ANO3: variants seen among roughly 807,000 people sequenced by gnomAD.
ANO3 encodes the protein anoctamin-3.
In ANO3, 99 loss-of-function variants were observed where a neutral mutation model predicts 144.8. The ratio of observed to expected loss-of-function variants is 0.68; its 90% CI spans 0.58 to 0.81. The LOEUF (loss-of-function observed/expected upper bound fraction) is 0.81. ANO3 is among the 30% of genes least tolerant of loss of function. The probability of loss-of-function intolerance (pLI) is 0.00; values close to 1 mark genes in which losing one functional copy is unlikely to be tolerated. For synonymous variants in ANO3, 414 were observed against 392.6 expected (o/e 1.05, Z -0.64); for missense variants, 905 against 1,202.2 (o/e 0.75, Z 3.66).
intron 1 of ANO3, among the ~76,000 whole-genome samples, chr11:26,372,019 G>T (rs114725994): frequency 0.011 from 1,732 of 152,264 alleles, 34 homozygotes; most frequent in African/African-American, 0.039. Flanking sequence ...CATGAGATTT[G>T]GGAGGGACCA....
At chr11:26,378,003 C>T (rs542411393) in intron 1 of ANO3, among the ~76,000 whole-genome samples, 1 of 151,984 alleles carries the variant, frequency 6.6e-6, no homozygotes, top group African/African-American at 2.4e-5. Context: ...GAAACACTAA[C>T]TAGATGACAT....
At chr11:26,198,356 T>C (rs1158885354) in intron 1 of ANO3, among the ~76,000 whole-genome samples, 3 of 152,168 alleles carry the variant, frequency 2.0e-5, no homozygotes, top group South Asian at 2.1e-4. Flanking sequence ...TTACCTCTTG[T>C]AGCACCCATG....
At chr11:26,578,523 T>A (rs1851049317) in intron 14 of ANO3, among the ~76,000 whole-genome samples, 1 of 152,166 alleles carries the variant, frequency 6.6e-6, no homozygotes, top group Admixed American at 6.6e-5. Flanking sequence ...TGAATTTGTT[T>A]CAAAAGTTGG....
chr11:26,216,125 G>A (rs889020070), intron 1 of ANO3, among the ~76,000 whole-genome samples: 6 of 151,948 alleles, frequency 3.9e-5, no homozygotes, highest in South Asian at 2.1e-4. Flanking sequence ...GGTATAATAC[G>A]TTATTCCTTT....
intron 1 of ANO3, among the ~76,000 whole-genome samples, chr11:26,412,728 A>G (rs1181097295): frequency 1.3e-5 from 2 of 151,120 alleles, no homozygotes; most frequent in Non-Finnish European, 1.5e-5. Context: ...AATTACCAGT[A>G]TTAGTTAAGC....
At chr11:26,570,083 C>T (rs1034196745) in intron 14 of ANO3, among the ~76,000 whole-genome samples, 2 of 152,040 alleles carry the variant, frequency 1.3e-5, no homozygotes, top group African/African-American at 4.8e-5. Flanking sequence ...TTTCCAGTTC[C>T]TTTGTGATAC....
intron 6 of ANO3, among the ~76,000 whole-genome samples, chr11:26,524,458 G>A (rs1477759143): frequency 6.6e-6 from 1 of 152,050 alleles, no homozygotes; most frequent in Non-Finnish European, 1.5e-5. Flanking sequence ...AGTTTTCTAA[G>A]CAGCTAATAA....
Position 26,598,354 on chromosome 11 carries a change from A to G in ANO3, c.1448-11A>G, listed in dbSNP as rs535208095. 6.8e-7 allele frequency: 1 copy of G among 1,474,954 alleles called. No individual in the cohort carries two copies. Among genetic ancestry groups the G allele is most frequent in the Non-Finnish European group, 9.1e-7 (1 of 1,099,532 alleles). 91.4% of individuals were successfully genotyped at this position (1,474,954 alleles called of 1,614,324 possible). A position where few individuals can be genotyped will look rare whatever the true frequency, so the allele number is the denominator to read the frequency against. ...ATTTGGGTAAAGAATTATCATTTTT[A>G]TATTTTATAGCCACAGTCTTCCTGG... On this transcript the variant is annotated splice_polypyrimidine_tract_variant and intron_variant, in intron 14 of 26. Transcript: ENST00000256737.
At chr11:26,428,521 G>A (rs542103736) in intron 1 of ANO3, among the ~76,000 whole-genome samples, 27 of 152,288 alleles carry the variant, frequency 1.8e-4, no homozygotes, top group African/African-American at 6.5e-4. Context: ...GAAAGAAAAT[G>A]GGAGCAAGGA....
At chr11:26,320,352 G>A (rs916636686) in intron 1 of ANO3, among the ~76,000 whole-genome samples, 1 of 152,126 alleles carries the variant, frequency 6.6e-6, no homozygotes, top group African/African-American at 2.4e-5. Flanking sequence ...AAACCACAAA[G>A]GGAAGGAGAT....
At chr11:26,281,710 A>G (rs72874968) in intron 1 of ANO3, among the ~76,000 whole-genome samples, 13,359 of 152,256 alleles carry the variant, frequency 0.088, 779 homozygotes, top group Non-Finnish European at 0.13. Flanking sequence ...GTTTATTTAA[A>G]GATTAATATA....
chr11:26,644,146 C>T lies in ANO3; in HGVS notation c.2428+812C>T, dbSNP rs1161799389. Among the ~76,000 whole-genome samples, 3 of 152,042 alleles carry T rather than the reference C, an allele frequency of 2.0e-5. No individual in the cohort carries two copies. The South Asian group carries it at 6.2e-4, about 32-fold the overall frequency. Reference sequence around the variant, plus strand: ...TCTATTGTGAGGACACCCTTCCAACCGTAACAAAACTTAACATTTTTAGTT... The same window carrying T: ...TCTATTGTGAGGACACCCTTCCAACTGTAACAAAACTTAACATTTTTAGTT... On this transcript the variant is annotated intron_variant, in intron 23 of 26. Coordinates refer to ENST00000256737, the MANE Select transcript of ANO3 (RefSeq NM_031418.4).
upstream of ANO3, among the ~76,000 whole-genome samples, chr11:26,306,140 T>G (rs1326205681): frequency 6.7e-6 from 1 of 150,070 alleles, no homozygotes; most frequent in African/African-American, 2.4e-5. Flanking sequence ...TTTTTTTTTT[T>G]TTTTTTTGTA....
At chr11:26,659,099 C>CACACACACAT (rs76897197) in intron 26 of ANO3, among the ~76,000 whole-genome samples, 2,644 of 150,078 alleles carry the variant, frequency 0.018, 41 homozygotes, top group Non-Finnish European at 0.028. Flanking sequence ...CACACACACA[C>CACACACACAT]ATATATATAT....
chr11:26,219,333 C>T (rs953344706), intron 1 of ANO3, among the ~76,000 whole-genome samples: 4 of 152,118 alleles, frequency 2.6e-5, no homozygotes, highest in Admixed American at 1.3e-4. Flanking sequence ...TTGGGAAGAA[C>T]TTCAAAGAGT....
intron 14 of ANO3, among the ~76,000 whole-genome samples, chr11:26,564,730 CACATATATATAT>C (rs1429825270): frequency 0.014 from 344 of 23,752 alleles, no homozygotes; most frequent in Non-Finnish European, 0.019. Context: ...CACACACACA[CACATATATATAT>C]ATATATATAT....
At chr11:26,472,255 C>G (rs1859809529) in intron 4 of ANO3, among the ~76,000 whole-genome samples, 1 of 151,892 alleles carries the variant, frequency 6.6e-6, no homozygotes, top group African/African-American at 2.4e-5. Context: ...CACCTCCAAG[C>G]CCTCCAGGCT....
At chr11:26,327,825 T>C (rs1854926156), upstream of ANO3, among the ~76,000 whole-genome samples, 1 of 152,234 alleles carries the variant, frequency 6.6e-6, no homozygotes, top group African/African-American at 2.4e-5. Flanking sequence ...ACAGGATGTA[T>C]GGGACAAGGT....
intron 1 of ANO3, among the ~76,000 whole-genome samples, chr11:26,369,890 T>C (rs1055152027): frequency 1.3e-5 from 2 of 152,188 alleles, no homozygotes; most frequent in Admixed American, 6.5e-5. Flanking sequence ...CCATCAGTGG[T>C]TCAATTTCCT....
Sources: allele counts gnomAD v4.1 joint callset (sites outside exome capture counted in the v4.1 genomes callset), GRCh38; gene constraint gnomAD v4.1.1; transcripts MANE v1.5; gene names NCBI Gene and HGNC (gene_info 2026-07-23, HGNC 2026-07-21).